The following METTL9 variants were observed in gnomAD, a reference collection of about 807,000 sequenced individuals.
METTL9 encodes protein-L-histidine N-pros-methyltransferase.
Under a neutral mutation model 36.0 loss-of-function variants are expected in METTL9, and 10 were observed. That is an observed-to-expected ratio of 0.28 (90% CI 0.17 to 0.47). METTL9 has a LOEUF of 0.47. METTL9 is among the 20% of genes least tolerant of loss of function. The pLI is 0.99. For synonymous variants in METTL9, 175 were observed against 149.7 expected (o/e 1.17, Z -1.23); for missense variants, 246 against 383.5 (o/e 0.64, Z 3.00).
chr16:21,652,378 T>G (rs1182570269), intron 4 of METTL9: 2 of 521,826 alleles, frequency 3.8e-6, no homozygotes, highest in East Asian at 6.4e-5. Context: ...ATTGTCTATT[T>G]CTCAGGGGAA....
intron 4 of METTL9, chr16:21,646,326 C>T (rs1490180340): frequency 1.3e-5 from 2 of 152,108 alleles, no homozygotes; most frequent in East Asian, 3.8e-4. Flanking sequence ...CACTGATGTC[C>T]AGGCAGAATG....
intron 4 of METTL9, chr16:21,627,326 G>A (rs1214983155): frequency 1.0e-6 from 1 of 985,030 alleles, no homozygotes; most frequent in African/African-American, 1.7e-5. Context: ...AGTTGTAGGT[G>A]AAATGATTAC....
At chr16:21,631,608 C>T (rs1400060738) in intron 4 of METTL9, among the ~76,000 whole-genome samples, 1 of 152,220 alleles carries the variant, frequency 6.6e-6, no homozygotes, top group Non-Finnish European at 1.5e-5. Flanking sequence ...GAGGAACCAT[C>T]TATCGTCCTG....
intron 2 of METTL9, among the ~76,000 whole-genome samples, chr16:21,616,625 C>T (rs1405406951): frequency 6.6e-6 from 1 of 152,120 alleles, no homozygotes; most frequent in African/African-American, 2.4e-5. Context: ...TGAGTGTTTT[C>T]TAGGACCTTT....
At chr16:21,649,392 C>T (rs1327806669) in intron 4 of METTL9, among the ~76,000 whole-genome samples, 1 of 152,166 alleles carries the variant, frequency 6.6e-6, no homozygotes, top group African/African-American at 2.4e-5. Flanking sequence ...AGGGTGCAGT[C>T]ACCTGGAGGA....
At chr16:21,636,264 T>G (rs895172098) in intron 4 of METTL9, among the ~76,000 whole-genome samples, 9 of 152,188 alleles carry the variant, frequency 5.9e-5, no homozygotes, top group Admixed American at 1.3e-4. Context: ...GGCCTGCTTT[T>G]CTAAGGAGGG....
chr16:21,631,954 T>TTGTCTC (rs1965973816), intron 4 of METTL9, among the ~76,000 whole-genome samples: 1 of 152,200 alleles, frequency 6.6e-6, no homozygotes, highest in South Asian at 2.1e-4. Flanking sequence ...GACTCCCTCT[T>TTGTCTC]TGTCTCTGTC....
chr16:21,644,212 G>T, intron 4 of METTL9: 1 of 1,059,026 alleles, frequency 9.4e-7, no homozygotes, highest in Non-Finnish European at 1.5e-6. Flanking sequence ...CCCATAACTT[G>T]TGGAGAGATA....
intron 4 of METTL9, among the ~76,000 whole-genome samples, chr16:21,628,502 TCTTTCTTTTC>T (rs1965865327): frequency 6.6e-6 from 1 of 152,154 alleles, no homozygotes; most frequent in Non-Finnish European, 1.5e-5. Flanking sequence ...TCTTTCTTTT[TCTTTCTTTTC>T]TGAAAGGGAC....
intron 1 of METTL9, among the ~76,000 whole-genome samples, 189 bp downstream of exon 1, chr16:21,600,087 C>T (rs1965075355): frequency 6.6e-6 from 1 of 152,084 alleles, no homozygotes; most frequent in African/African-American, 2.4e-5. Flanking sequence ...GGCACCCGGC[C>T]GCGGCCCCGC....
chr16:21,634,063 A>G (rs114335554), intron 4 of METTL9, among the ~76,000 whole-genome samples: 8,973 of 152,268 alleles, frequency 0.059, 542 homozygotes, highest in East Asian at 0.29. Context: ...GCTTAACAAG[A>G]AAGGCAAGTG....
intron 4 of METTL9, among the ~76,000 whole-genome samples, chr16:21,636,410 C>T (rs1343264163): frequency 3.9e-5 from 6 of 152,096 alleles, no homozygotes; most frequent in Non-Finnish European, 8.8e-5. Flanking sequence ...ATAGGAGAAA[C>T]TGGAAAAGCA....
intron 2 of METTL9, among the ~76,000 whole-genome samples, chr16:21,617,588 G>T (rs1193905412): frequency 1.3e-5 from 2 of 151,796 alleles, no homozygotes; most frequent in African/African-American, 4.8e-5. Flanking sequence ...AATAAGCCGG[G>T]TGTGGTGGTG....
chr16:21,624,890 G>T, intron 3 of METTL9, 41 bp from the exon 4 acceptor site: 4 of 1,560,552 alleles, frequency 2.6e-6, no homozygotes, highest in Non-Finnish European at 3.5e-6. Context: ...GATGTCTTTA[G>T]AGGGACTTTA....
rs1280665940 is a variant in METTL9 at position 21,655,691 on chromosome 16, A to G, written c.*259A>G. 3.7e-5 allele frequency: 14 copies of G among 381,634 alleles called. No homozygotes were observed. The highest frequency in any genetic ancestry group is 5.2e-5 in the Non-Finnish European group (11 of 212,102). 23.6% of individuals were successfully genotyped at this position (381,634 alleles called of 1,614,324 possible). A position where few individuals can be genotyped will look rare whatever the true frequency, so the allele number is the denominator to read the frequency against. ...ACTCTCCAATGCAGGTCACACTCCA[A>G]TTATGATGGAAGATATTTTTTATAC... On this transcript the variant is annotated 3_prime_UTR_variant, in exon 5 of 5. Transcript: ENST00000358154.
At chr16:21,601,583 G>A (rs149496206) in intron 1 of METTL9, among the ~76,000 whole-genome samples, 3 of 152,250 alleles carry the variant, frequency 2.0e-5, no homozygotes, top group East Asian at 3.9e-4. Context: ...GTATGGAGGC[G>A]GAATTGCAGC....
At chr16:21,604,125 G>A (rs1330154398) in intron 1 of METTL9, among the ~76,000 whole-genome samples, 2 of 152,224 alleles carry the variant, frequency 1.3e-5, no homozygotes, top group East Asian at 1.9e-4. Context: ...CAGCTAAGCC[G>A]GACAGACACT....
At chr16:21,597,711 G>A (rs1211274896), upstream of METTL9, among the ~76,000 whole-genome samples, 1 of 152,176 alleles carries the variant, frequency 6.6e-6, no homozygotes, top group African/African-American at 2.4e-5. Context: ...ACTTTAAAAA[G>A]ATGAAGGCTT....
chr16:21,601,191 A>G (rs1965116619), intron 1 of METTL9, among the ~76,000 whole-genome samples: 1 of 152,182 alleles, frequency 6.6e-6, no homozygotes, highest in South Asian at 2.1e-4. Flanking sequence ...ATGGTTAGGA[A>G]TGTATGTAAA....
Sources: allele counts gnomAD v4.1 joint callset (sites outside exome capture counted in the v4.1 genomes callset), GRCh38; gene constraint gnomAD v4.1.1; transcripts MANE v1.5; gene names NCBI Gene and HGNC (gene_info 2026-07-23, HGNC 2026-07-21).